IMPG1: variants seen among roughly 807,000 people sequenced by gnomAD.
The protein encoded by IMPG1 is interphotoreceptor matrix proteoglycan 1, also known as interphotoreceptor matrix proteoglycan of 150 kDa.
IMPG1 carries 85 observed loss-of-function variants against 92.0 expected under a neutral mutation model. The ratio of observed to expected loss-of-function variants is 0.92; its 90% CI spans 0.78 to 1.11. IMPG1 has a LOEUF of 1.11. IMPG1 is among the 50% of genes least tolerant of loss of function. The probability of loss-of-function intolerance (pLI) is 0.00; values close to 1 mark genes in which losing one functional copy is unlikely to be tolerated. For synonymous variants in IMPG1, 367 were observed against 334.1 expected, an observed-to-expected ratio of 1.10 and a Z score of -1.08; for missense variants, 1,022 against 956.0, an observed-to-expected ratio of 1.07 and a Z score of -0.91.
At chr6:75,984,406 T>C (rs185917745) in intron 12 of IMPG1, among the ~76,000 whole-genome samples, 57 of 152,272 alleles carry the variant, frequency 3.7e-4, no homozygotes, top group African/African-American at 1.3e-3. Context: ...AATGCTACCA[T>C]TTGTAACAAC....
rs182383350 is a variant in IMPG1 at position 75,934,801 on chromosome 6, C to G, written c.2045-3650G>C. The G allele has an allele frequency of 2.6e-3, 846 of 330,236 alleles. 2 individuals carry two copies. Among genetic ancestry groups the G allele is most frequent in the Non-Finnish European group, 4.7e-3 (724 of 154,914 alleles). 20.5% of individuals were successfully genotyped at this position (330,236 alleles called of 1,614,324 possible). On this transcript the variant is annotated intron_variant, in intron 14 of 16. Coordinates refer to ENST00000369950, the MANE Select transcript of IMPG1 (RefSeq NM_001563.4). ...GTGCCCTCCGCTACACCCCCCTTCC[C>G]GTCCCGCCCCTCAACCTTGTCCTGC...
chr6:76,018,661 G>A (rs551552039), intron 7 of IMPG1, 57 bp downstream of exon 7: 8 of 1,525,152 alleles, frequency 5.2e-6, no homozygotes, highest in East Asian at 4.6e-5. Flanking sequence ...ATGTCCTATC[G>A]GCTCCCACCT....
intron 10 of IMPG1, 147 bp downstream of exon 10, chr6:76,005,140 G>C: frequency 1.3e-6 from 1 of 772,286 alleles, no homozygotes; most frequent in Non-Finnish European, 2.1e-6. Context: ...AGTGAGAAAA[G>C]CTAGAAATGA....
intron 12 of IMPG1, among the ~76,000 whole-genome samples, chr6:75,974,393 T>TTCCTTCCTTCCTTCC (rs1313714060): frequency 9.2e-5 from 6 of 65,030 alleles, no homozygotes; most frequent in African/African-American, 3.5e-4. Flanking sequence ...CTTTCTTTCT[T>TTCCTTCCTTCCTTCC]TTCTTTCTTT....
chr6:76,060,892 T>A (rs1187961636), intron 1 of IMPG1, among the ~76,000 whole-genome samples: 1 of 152,146 alleles, frequency 6.6e-6, no homozygotes, highest in Non-Finnish European at 1.5e-5. Context: ...TATTCTCAAT[T>A]AAAATATAAG....
chr6:75,962,293 A>T (rs567450030), intron 12 of IMPG1, among the ~76,000 whole-genome samples: 124 of 151,298 alleles, frequency 8.2e-4, no homozygotes, highest in African/African-American at 2.9e-3. Context: ...CAATTAAAAA[A>T]ATTTTTTTTT....
intron 12 of IMPG1, among the ~76,000 whole-genome samples, chr6:75,992,989 A>G (rs1414865273): frequency 3.9e-5 from 6 of 152,322 alleles, no homozygotes; most frequent in South Asian, 2.1e-4. Context: ...TATTTTATAC[A>G]TAACATCTTA....
At chr6:75,945,017 G>A (rs1021217799) in intron 14 of IMPG1, among the ~76,000 whole-genome samples, 2 of 152,122 alleles carry the variant, frequency 1.3e-5, no homozygotes, top group African/African-American at 2.4e-5. Flanking sequence ...GACTCTGCTG[G>A]GAGTGAAACT....
chr6:75,924,477 ATATAT>A (rs1781488472), intron 15 of IMPG1, among the ~76,000 whole-genome samples: 1 of 96,920 alleles, frequency 1.0e-5, no homozygotes, highest in Non-Finnish European at 1.9e-5. Flanking sequence ...AAATATAATT[ATATAT>A]TATAATATAA....
intron 12 of IMPG1, among the ~76,000 whole-genome samples, chr6:75,980,475 G>T (rs1045619340): frequency 6.6e-6 from 1 of 152,180 alleles, no homozygotes; most frequent in Non-Finnish European, 1.5e-5. Context: ...GAGTCAGTGG[G>T]CTGGGAAAGG....
intron 7 of IMPG1, among the ~76,000 whole-genome samples, chr6:76,017,811 G>A (rs1288289792): frequency 4.6e-5 from 7 of 152,126 alleles, no homozygotes; most frequent in Non-Finnish European, 8.8e-5. Context: ...GGAGTGAAGT[G>A]GCACGATCTT....
At chr6:75,959,328 G>C (rs1782177470) in intron 12 of IMPG1, among the ~76,000 whole-genome samples, 1 of 152,146 alleles carries the variant, frequency 6.6e-6, no homozygotes, top group South Asian at 2.1e-4. Flanking sequence ...GTGTCTCCCA[G>C]TCAGGAGACA....
chr6:75,922,114 T>A lies in IMPG1; in HGVS notation c.2369A>T (p.Asn790Ile). The change falls in exon 17 of 17, where the codon AAC (asparagine) becomes ATC (isoleucine). Residue 790 changes from asparagine (N) to isoleucine (I), a missense_variant. By Grantham distance (149) the Asn-to-Ile change is moderately radical. Coordinates refer to ENST00000369950, the MANE Select transcript of IMPG1 (RefSeq NM_001563.4). ...TTAATTTCCTTCCCAATCTTGATGG[T>A]TAAATTCTTCATATTCTACGGTCAG... The part of the protein sequence containing the change: ...ELLTVEYEEF[N>I]HQDWEGN The A allele has an allele frequency of 2.2e-6, 3 of 1,370,184 alleles. No individual in the cohort carries two copies. The East Asian group carries it at 7.0e-5, about 32-fold the overall frequency. 84.9% of individuals were successfully genotyped at this position (1,370,184 alleles called of 1,614,324 possible).
At chr6:76,049,658 T>G (rs1189663155) in intron 1 of IMPG1, among the ~76,000 whole-genome samples, 1 of 152,198 alleles carries the variant, frequency 6.6e-6, no homozygotes, top group African/African-American at 2.4e-5. Context: ...TATTGACATT[T>G]GTTGATAGGG....
intron 14 of IMPG1, among the ~76,000 whole-genome samples, chr6:75,937,395 C>G (rs1484487685): frequency 1.3e-5 from 2 of 151,854 alleles, no homozygotes; most frequent in African/African-American, 4.8e-5. Context: ...TCTAAATAAA[C>G]AGCCTCTATA....
At chr6:76,012,952 TGCA>T (rs1783215138) in intron 7 of IMPG1, among the ~76,000 whole-genome samples, 1 of 149,650 alleles carries the variant, frequency 6.7e-6, no homozygotes, top group Non-Finnish European at 1.5e-5. Context: ...ACCCCCCACA[TGCA>T]GCCACCGACT....
chr6:75,986,726 AGAATAT>A lies in IMPG1; in HGVS notation c.1291+16186_1291+16191del, dbSNP rs1215949375. 2.0e-5 allele frequency among the ~76,000 whole-genome samples: 3 copies of A among 152,134 alleles called. No homozygotes were observed. In the East Asian group the frequency reaches 5.8e-4, roughly 29 times the overall value. On this transcript the variant is annotated intron_variant, in intron 12 of 16. Coordinates refer to ENST00000369950, the MANE Select transcript of IMPG1 (RefSeq NM_001563.4). ...TTGCCCAGCCTGCATAGGAGAAAGCAGAATATGTTAACAATGAGGAAAAAAAAAATG... is the reference window on the plus strand; with the variant it reads ...TTGCCCAGCCTGCATAGGAGAAAGCAGTTAACAATGAGGAAAAAAAAAATG...
chr6:76,030,228 T>A (rs938035990), intron 4 of IMPG1, among the ~76,000 whole-genome samples: 3 of 152,048 alleles, frequency 2.0e-5, no homozygotes, highest in African/African-American at 7.2e-5. Flanking sequence ...CCCTGCTTGA[T>A]GGGTGTAAGC....
chr6:76,015,731 C>T (rs1001424388), intron 7 of IMPG1, among the ~76,000 whole-genome samples: 3 of 128,984 alleles, frequency 2.3e-5, no homozygotes, highest in Non-Finnish European at 3.1e-5. Context: ...ACCTAGGAGG[C>T]GGAGGTTGCA....
Sources: allele counts gnomAD v4.1 joint callset (sites outside exome capture counted in the v4.1 genomes callset), GRCh38; gene constraint gnomAD v4.1.1; transcripts MANE v1.5; gene names NCBI Gene and HGNC (gene_info 2026-07-23, HGNC 2026-07-21).